GALNTL6: variants seen among roughly 807,000 people sequenced by gnomAD.
GALNTL6 encodes the protein polypeptide N-acetylgalactosaminyltransferase like 6.
A neutral mutation model predicts 73.7 loss-of-function variants in GALNTL6; 46 were observed. The observed-to-expected ratio is 0.62, with a 90% confidence interval of 0.49 to 0.80. The LOEUF (loss-of-function observed/expected upper bound fraction) is 0.80, where lower values mean the gene tolerates loss of function less well. Among genes scored for constraint, GALNTL6 ranks in the 30% least tolerant of loss-of-function variants. The pLI is 0.00. For synonymous variants in GALNTL6, 259 were observed against 263.7 expected, an observed-to-expected ratio of 0.98 and a Z score of 0.17; for missense variants, 604 against 755.0, an observed-to-expected ratio of 0.80 and a Z score of 2.34.
At chr4:172,139,166 A>G (rs995442240) in intron 2 of GALNTL6, among the ~76,000 whole-genome samples, 2 of 152,116 alleles carry the variant, frequency 1.3e-5, no homozygotes, top group Non-Finnish European at 2.9e-5. Context: ...AAAAGTATAT[A>G]AGTTTGGAAA....
At chr4:172,401,237 C>T (rs1744025537) in intron 5 of GALNTL6, among the ~76,000 whole-genome samples, 2 of 152,134 alleles carry the variant, frequency 1.3e-5, no homozygotes, top group South Asian at 4.2e-4. Context: ...AGAAAATGTA[C>T]AAAAATCACA....
chr4:172,832,784 C>G (rs1388757630), intron 7 of GALNTL6, among the ~76,000 whole-genome samples: 1 of 152,154 alleles, frequency 6.6e-6, no homozygotes, highest in East Asian at 1.9e-4. Flanking sequence ...ACCTCTGTCT[C>G]TCGTCTCTCT....
At chr4:172,038,553 T>G (rs1025655097) in intron 2 of GALNTL6, among the ~76,000 whole-genome samples, 16 of 152,176 alleles carry the variant, frequency 1.1e-4, no homozygotes, top group African/African-American at 3.4e-4. Context: ...TTATGTGAAG[T>G]AAATCTTTGC....
intron 2 of GALNTL6, among the ~76,000 whole-genome samples, chr4:172,057,471 T>C (rs1489613152): frequency 2.0e-5 from 3 of 151,666 alleles, no homozygotes; most frequent in Non-Finnish European, 4.4e-5. Flanking sequence ...GGAGGATCAT[T>C]TGAGCCCAGG....
At chr4:172,618,397 A>G (rs764361847) in intron 5 of GALNTL6, among the ~76,000 whole-genome samples, 12 of 152,200 alleles carry the variant, frequency 7.9e-5, no homozygotes, top group Non-Finnish European at 1.6e-4. Flanking sequence ...GTGCTTCCGT[A>G]AAAACATCAT....
At chr4:171,962,445 C>G (rs999996726) in intron 2 of GALNTL6, among the ~76,000 whole-genome samples, 1 of 152,134 alleles carries the variant, frequency 6.6e-6, no homozygotes, top group African/African-American at 2.4e-5. Flanking sequence ...AAAGTGACCT[C>G]TGGTCGTCCT....
intron 2 of GALNTL6, among the ~76,000 whole-genome samples, chr4:171,993,644 G>T (rs1366957676): frequency 3.9e-5 from 6 of 152,114 alleles, no homozygotes; most frequent in Admixed American, 3.3e-4. Context: ...GAAAAATAAG[G>T]CAGATGATTT....
intron 5 of GALNTL6, among the ~76,000 whole-genome samples, chr4:172,433,378 C>T (rs1211872244): frequency 6.6e-6 from 1 of 152,080 alleles, no homozygotes; most frequent in African/African-American, 2.4e-5. Flanking sequence ...CTGCTCCCAC[C>T]TCATACACTT....
At chr4:172,955,604 AT>A (rs1749700924) in intron 10 of GALNTL6, among the ~76,000 whole-genome samples, 1 of 152,064 alleles carries the variant, frequency 6.6e-6, no homozygotes, top group African/African-American at 2.4e-5. Context: ...TAAGCTTTTT[AT>A]TTTGGAATAA....
chr4:172,447,224 G>T, intron 5 of GALNTL6, among the ~76,000 whole-genome samples: 1 of 152,178 alleles, frequency 6.6e-6, no homozygotes, highest in East Asian at 1.9e-4. Context: ...CTATTTCACA[G>T]AAATGTTCTT....
At chr4:172,152,915 T>C (rs928069936) in intron 2 of GALNTL6, among the ~76,000 whole-genome samples, 2 of 152,042 alleles carry the variant, frequency 1.3e-5, no homozygotes, top group African/African-American at 4.8e-5. Context: ...AGACCGGAAA[T>C]GCAACTCTTT....
chr4:172,164,109 G>A (rs1270134051), intron 2 of GALNTL6, among the ~76,000 whole-genome samples: 2 of 151,964 alleles, frequency 1.3e-5, no homozygotes, highest in African/African-American at 2.4e-5. Flanking sequence ...AAAACAAGAT[G>A]ATGAGCATAT....
chr4:172,920,509 A>T (rs1756553820), intron 8 of GALNTL6, among the ~76,000 whole-genome samples: 1 of 152,196 alleles, frequency 6.6e-6, no homozygotes, highest in Non-Finnish European at 1.5e-5. Context: ...TCTAGTCTTA[A>T]GAATTTTTTC....
At chr4:172,358,645 A>G (rs1742249817) in intron 5 of GALNTL6, among the ~76,000 whole-genome samples, 1 of 152,178 alleles carries the variant, frequency 6.6e-6, no homozygotes, top group South Asian at 2.1e-4. Flanking sequence ...TGTCTGAACC[A>G]TTGCAACATA....
At chr4:172,172,236 C>T (rs7697913) in intron 2 of GALNTL6, among the ~76,000 whole-genome samples, 53,876 of 151,988 alleles carry the variant, frequency 0.35, 9,723 homozygotes, top group Middle Eastern at 0.38. Flanking sequence ...CTCACTCTGT[C>T]GCCTGGGCTG....
intron 5 of GALNTL6, among the ~76,000 whole-genome samples, chr4:172,531,582 A>G (rs761350053): frequency 2.6e-5 from 4 of 152,140 alleles, no homozygotes; most frequent in Non-Finnish European, 4.4e-5. Context: ...GACAACCCTC[A>G]AAAATTGCAA....
chr4:172,392,459 T>C (rs1259152535), intron 5 of GALNTL6, among the ~76,000 whole-genome samples: 1 of 77,624 alleles, frequency 1.3e-5, no homozygotes, highest in Non-Finnish European at 2.6e-5. Context: ...GTATTTCTTA[T>C]TCATTTTTTT....
At chr4:172,399,761 C>A (rs1335654097) in intron 5 of GALNTL6, among the ~76,000 whole-genome samples, 1 of 151,994 alleles carries the variant, frequency 6.6e-6, no homozygotes, top group African/African-American at 2.4e-5. Context: ...ATGAGTTTTT[C>A]TCATTCACCA....
At chr4:173,024,682 G>A (rs1352432551) in intron 12 of GALNTL6, among the ~76,000 whole-genome samples, 3 of 152,142 alleles carry the variant, frequency 2.0e-5, no homozygotes, top group African/African-American at 4.8e-5. Context: ...CCAGGTTCAG[G>A]CGATTCTCCT....
Sources: gnomAD v4.1 joint callset for allele counts (sites outside exome capture counted in the v4.1 genomes callset) on GRCh38, gnomAD v4.1.1 for gene constraint, MANE v1.5 for transcripts, NCBI Gene and HGNC (gene_info 2026-07-23, HGNC 2026-07-21) for gene names.